Variants in DSCAML1 observed in about 807,000 individuals in gnomAD.
The protein encoded by DSCAML1 is cell adhesion molecule DSCAML1.
A neutral mutation model predicts 200.5 loss-of-function variants in DSCAML1; 38 were observed. That is an observed-to-expected ratio of 0.19 (90% CI 0.15 to 0.25). The LOEUF (loss-of-function observed/expected upper bound fraction) is 0.25. Among genes scored for constraint, DSCAML1 ranks in the 10% least tolerant of loss-of-function variants. The pLI is 1.00. For missense variants in DSCAML1, 2,223 were observed against 2,858.8 expected, an observed-to-expected ratio of 0.78 and a Z score of 5.07; for synonymous variants, 1,215 against 1,165.0, an observed-to-expected ratio of 1.04 and a Z score of -0.87.
In DSCAML1 at chr11:117,428,699, G is replaced by A. The variant is rs779018567; in HGVS notation, c.5791C>T (p.Arg1931Trp). Residue 1931 changes from arginine to tryptophan, a missense_variant, in exon 33 of 33, where the codon CGG becomes TGG. Arg to Trp is a moderately radical substitution (Grantham distance 101). Coordinates refer to ENST00000651296, the MANE Select transcript of DSCAML1 (RefSeq NM_020693.4). ...PVVPPREASI[R>W]NLARTYHTQA... is the part of the protein sequence containing the mutation. ...GTGTGGTAGGTTCGAGCCAGGTTCC[G>A]GATGGAGGCCTCACGGGGTGGGACC... The A allele has an allele frequency of 3.1e-5, 50 of 1,613,088 alleles. No homozygotes were observed. The highest frequency in any genetic ancestry group is 1.7e-4 in the Middle Eastern group (1 of 6,060).
intron 3 of DSCAML1, among the ~76,000 whole-genome samples, chr11:117,579,010 C>A (rs2050998642): frequency 6.6e-6 from 1 of 152,328 alleles, no homozygotes; most frequent in South Asian, 2.1e-4. Context: ...ATCCTTGATT[C>A]TTCTGTTTTC....
chr11:117,666,080 C>G (rs1340428638), intron 3 of DSCAML1, among the ~76,000 whole-genome samples: 4 of 152,160 alleles, frequency 2.6e-5, no homozygotes, highest in Non-Finnish European at 5.9e-5. Context: ...TGCTGAGAAC[C>G]CTGTAATGCT....
chr11:117,790,505 A>G (rs1219800943), intron 1 of DSCAML1, among the ~76,000 whole-genome samples: 1 of 152,240 alleles, frequency 6.6e-6, no homozygotes, highest in Non-Finnish European at 1.5e-5. Context: ...GACAGCCACA[A>G]ACAGCTGTGA....
At chr11:117,724,694 C>A (rs981809275) in intron 3 of DSCAML1, among the ~76,000 whole-genome samples, 15 of 152,350 alleles carry the variant, frequency 9.8e-5, no homozygotes, top group Middle Eastern at 3.4e-3. Flanking sequence ...CTTGCCAGAG[C>A]AGATAACCCT....
intron 3 of DSCAML1, among the ~76,000 whole-genome samples, chr11:117,743,042 T>A (rs55768659): frequency 1.2e-5 from 1 of 82,340 alleles, no homozygotes; most frequent in East Asian, 3.7e-4. Flanking sequence ...CATCCGTCCA[T>A]CCATCAATCC....
At chr11:117,810,339 T>C (rs897492110) in intron 1 of DSCAML1, among the ~76,000 whole-genome samples, 3 of 151,998 alleles carry the variant, frequency 2.0e-5, no homozygotes, top group African/African-American at 7.3e-5. Context: ...CCCGCTTTTC[T>C]AGGGGGCAAG....
At chr11:117,683,256 C>T (rs772417767) in intron 3 of DSCAML1, among the ~76,000 whole-genome samples, 25 of 152,114 alleles carry the variant, frequency 1.6e-4, no homozygotes, top group Non-Finnish European at 3.4e-4. Context: ...AACAACTGAG[C>T]GATAAGGAAA....
chr11:117,428,446 C>T lies in DSCAML1; in HGVS notation c.6044G>A (p.Gly2015Asp), dbSNP rs916593525. Reference sequence around the variant, plus strand: ...GGAGCCCCCCATTTTGGTGTGTGGGCCCCCGGCTCGTGGAGGCTCGGTGCT... The same window carrying T: ...GGAGCCCCCCATTTTGGTGTGTGGGTCCCCGGCTCGTGGAGGCTCGGTGCT... The part of the protein sequence containing the change: ...APSTEPPRAG[G>D]PHTKMGGSRD... The change falls in exon 33 of 33, where the codon GGC (glycine) becomes GAC (aspartate). Residue 2015 changes from glycine to aspartate, a missense_variant. Transcript: ENST00000651296. The T allele has an allele frequency of 1.8e-5, 27 of 1,537,332 alleles. No homozygotes were observed. In the South Asian group the frequency reaches 2.1e-4, roughly 12 times the overall value.
chr11:117,718,670 C>CG (rs1250869537), intron 3 of DSCAML1, among the ~76,000 whole-genome samples: 1 of 45,394 alleles, frequency 2.2e-5, no homozygotes, highest in African/African-American at 8.9e-5. Context: ...TACTCAAAAC[C>CG]CCCCCCCCCC....
At chr11:117,471,275 G>C (rs1300016471) in intron 15 of DSCAML1, among the ~76,000 whole-genome samples, 5 of 151,900 alleles carry the variant, frequency 3.3e-5, no homozygotes, top group African/African-American at 1.2e-4. Context: ...AGGTTCAAGC[G>C]ATTCTCCTGC....
At chr11:117,734,864 T>C (rs1456757417) in intron 3 of DSCAML1, among the ~76,000 whole-genome samples, 1 of 152,150 alleles carries the variant, frequency 6.6e-6, no homozygotes, top group Non-Finnish European at 1.5e-5. Flanking sequence ...AGGACGGACA[T>C]GCATCACAGC....
At chr11:117,538,052 G>A (rs997095006) in intron 3 of DSCAML1, among the ~76,000 whole-genome samples, 1 of 152,226 alleles carries the variant, frequency 6.6e-6, no homozygotes, top group Non-Finnish European at 1.5e-5. Context: ...GATTTGGTGA[G>A]TGTTTTCAAC....
Position 117,450,621 on chromosome 11 carries a change from G to T in DSCAML1, c.3636C>A (p.Leu1212=), listed in dbSNP as rs267602709. ...TCACCCCGTTGGGCTTGGTAGGGGG[G>T]AGCCAAGACACAACCACACTGCTAG... ...SSASSVVVSW[L]PPTKPNGVIR... Residue 1212 remains leucine (L), a synonymous_variant, in exon 20 of 33, where the codon CTC becomes CTA. Transcript: ENST00000651296. 4 of 1,614,216 alleles carry T rather than the reference G, an allele frequency of 2.5e-6. No homozygotes were observed. Among genetic ancestry groups the T allele is most frequent in the African/African-American group, 2.7e-5 (2 of 75,066 alleles).
rs73012563 is a variant in DSCAML1, at chr11:117,594,026, T to C, written c.512-61504A>G. 4.0e-3 allele frequency among the ~76,000 whole-genome samples: 607 copies of C among 152,256 alleles called. 2 individuals carry two copies. The highest frequency in any genetic ancestry group is 5.8e-3 in the Non-Finnish European group (397 of 68,016). The stretch of plus-strand genomic sequence containing the variant: ...CCACACTGGGCTGAACTCACTGCAT[T>C]TCTAAGTGGCCCTTCTAAAAGGGAG... On this transcript the variant is annotated intron_variant, in intron 3 of 32. Coordinates refer to ENST00000651296, the MANE Select transcript of DSCAML1 (RefSeq NM_020693.4).
At chr11:117,793,737 G>C (rs1281020189) in intron 1 of DSCAML1, among the ~76,000 whole-genome samples, 3 of 152,114 alleles carry the variant, frequency 2.0e-5, no homozygotes, top group Admixed American at 2.0e-4. Context: ...CAGTCCCCCG[G>C]GATCTGTTCA....
intron 8 of DSCAML1, among the ~76,000 whole-genome samples, chr11:117,515,352 A>C (rs2186762): frequency 0.62 from 93,952 of 152,012 alleles, 31,391 homozygotes; most frequent in African/African-American, 0.88. Flanking sequence ...GGCCCCAGAG[A>C]AACCAGGCCA....
At chr11:117,628,900 C>T (rs2052111046) in intron 3 of DSCAML1, among the ~76,000 whole-genome samples, 1 of 152,110 alleles carries the variant, frequency 6.6e-6, no homozygotes, top group Non-Finnish European at 1.5e-5. Flanking sequence ...CAGAGCCAGA[C>T]CTAGACTCTA....
chr11:117,549,365 CA>C (rs1462087803), intron 3 of DSCAML1, among the ~76,000 whole-genome samples: 2 of 152,152 alleles, frequency 1.3e-5, no homozygotes, highest in Non-Finnish European at 2.9e-5. Flanking sequence ...AGATGGTGCT[CA>C]AAAAATATTC....
chr11:117,688,432 G>A (rs911232288), intron 3 of DSCAML1, among the ~76,000 whole-genome samples: 2 of 152,234 alleles, frequency 1.3e-5, no homozygotes, highest in African/African-American at 2.4e-5. Flanking sequence ...GGAAGGATAG[G>A]GGAGAGAAGC....
Sources: allele counts gnomAD v4.1 joint callset (sites outside exome capture counted in the v4.1 genomes callset), GRCh38; gene constraint gnomAD v4.1.1; transcripts MANE v1.5; gene names NCBI Gene and HGNC (gene_info 2026-07-23, HGNC 2026-07-21).